The following SHANK2 variants were observed in gnomAD, a reference collection of about 807,000 sequenced individuals.
SHANK2 encodes the protein SH3 and multiple ankyrin repeat domains 2, also known as SH3 and multiple ankyrin repeat domains protein 2.
SHANK2 carries 43 observed loss-of-function variants against 133.7 expected under a neutral mutation model. That is an observed-to-expected ratio of 0.32 (90% CI 0.25 to 0.41). The LOEUF (loss-of-function observed/expected upper bound fraction) is 0.41. Ranked by LOEUF, SHANK2 falls within the 10% of genes least tolerant of loss-of-function variation. SHANK2 has a pLI of 1.00. For synonymous variants in SHANK2, 1,017 were observed against 952.8 expected (o/e 1.07, Z -1.24); for missense variants, 1,994 against 2,235.8 (o/e 0.89, Z 2.18).
intron 17 of SHANK2, among the ~76,000 whole-genome samples, chr11:70,536,214 T>C (rs1214079100): frequency 6.6e-6 from 1 of 152,144 alleles, no homozygotes; most frequent in African/African-American, 2.4e-5. Context: ...GCCTGCCCTG[T>C]GTGGTCTGAG....
chr11:70,843,869 A>G (rs1948954097), intron 11 of SHANK2, among the ~76,000 whole-genome samples: 1 of 152,136 alleles, frequency 6.6e-6, no homozygotes, highest in Admixed American at 6.5e-5. Context: ...AGGAGTTCAC[A>G]AATATCTCCT....
intron 17 of SHANK2, among the ~76,000 whole-genome samples, chr11:70,618,782 C>A (rs1554996826): frequency 6.6e-6 from 1 of 152,206 alleles, no homozygotes; most frequent in Non-Finnish European, 1.5e-5. Context: ...TAAAAATAAA[C>A]CTGAGCTTGG....
At chr11:70,837,029 G>A (rs1276753548) in intron 11 of SHANK2, among the ~76,000 whole-genome samples, 1 of 152,194 alleles carries the variant, frequency 6.6e-6, no homozygotes, top group Non-Finnish European at 1.5e-5. Flanking sequence ...GCTGCCGTCT[G>A]CAAGCCAGGA....
At chr11:71,084,376 G>A (rs1951349286) in intron 8 of SHANK2, among the ~76,000 whole-genome samples, 3 of 152,132 alleles carry the variant, frequency 2.0e-5, no homozygotes. Flanking sequence ...TGAAGTGGAG[G>A]GTGGATCTGA....
intron 10 of SHANK2, among the ~76,000 whole-genome samples, chr11:70,937,261 T>C (rs1027084210): frequency 1.3e-5 from 2 of 152,182 alleles, no homozygotes; most frequent in Admixed American, 1.3e-4. Context: ...AAAACATCCC[T>C]TGGGGAGAAC....
At chr11:70,949,828 A>G (rs1304049023) in intron 10 of SHANK2, among the ~76,000 whole-genome samples, 1 of 152,196 alleles carries the variant, frequency 6.6e-6, no homozygotes, top group East Asian at 1.9e-4. Context: ...CACAGTCATG[A>G]GGCACTGTCT....
intron 6 of SHANK2, among the ~76,000 whole-genome samples, chr11:71,108,499 T>C (rs994173742): frequency 1.3e-5 from 2 of 151,846 alleles, no homozygotes; most frequent in African/African-American, 4.8e-5. Flanking sequence ...AATCACTCCC[T>C]TTCCCCTCTC....
intron 17 of SHANK2, among the ~76,000 whole-genome samples, chr11:70,637,921 G>A (rs1190813616): frequency 6.6e-5 from 10 of 152,132 alleles, no homozygotes; most frequent in African/African-American, 2.2e-4. Context: ...ACGCCAAGCC[G>A]GCTTCCGCTC....
In SHANK2 at chr11:70,712,594, C is replaced by T. The variant is rs1945812908; in HGVS notation, c.1778-13831G>A. 2.6e-5 allele frequency among the ~76,000 whole-genome samples: 4 copies of T among 152,248 alleles called. No individual in the cohort carries two copies. The South Asian group carries it at 8.3e-4, about 31-fold the overall frequency. On this transcript the variant is annotated intron_variant, in intron 14 of 25. Transcript: ENST00000601538. Reference sequence around the variant, plus strand: ...GCACTTCCCTGTTCCCAGATACAAACAACACTCAGTTCCAATTCGGATTCT... The same window carrying T: ...GCACTTCCCTGTTCCCAGATACAAATAACACTCAGTTCCAATTCGGATTCT...
chr11:70,621,646 G>A (rs1347619875), intron 17 of SHANK2, among the ~76,000 whole-genome samples: 3 of 152,200 alleles, frequency 2.0e-5, no homozygotes, highest in Non-Finnish European at 2.9e-5. Flanking sequence ...TCAGATGGGA[G>A]GTCTGATACG....
intron 11 of SHANK2, among the ~76,000 whole-genome samples, chr11:70,841,576 C>A (rs1024322491): frequency 1.3e-5 from 2 of 152,212 alleles, no homozygotes; most frequent in Admixed American, 1.3e-4. Context: ...GTGCCACATT[C>A]CAGGAGGGTC....
At chr11:70,674,864 T>C (rs545068507) in intron 15 of SHANK2, among the ~76,000 whole-genome samples, 75 of 152,404 alleles carry the variant, frequency 4.9e-4, no homozygotes, top group Non-Finnish European at 9.6e-4. Flanking sequence ...GGGCCAGATT[T>C]GGCCTGTGGG....
chr11:70,492,792 T>G (rs1253353112), intron 21 of SHANK2, among the ~76,000 whole-genome samples: 4 of 138,286 alleles, frequency 2.9e-5, no homozygotes, highest in South Asian at 2.5e-4. Context: ...TCTGTGTTTT[T>G]TTTTTTTTTT....
At chr11:70,726,593 T>C (rs186490174) in intron 14 of SHANK2, among the ~76,000 whole-genome samples, 2 of 152,208 alleles carry the variant, frequency 1.3e-5, no homozygotes, top group East Asian at 3.9e-4. Flanking sequence ...TCAAAGATTT[T>C]CAGAGAGGGA....
intron 14 of SHANK2, among the ~76,000 whole-genome samples, chr11:70,723,149 A>T (rs1185983496): frequency 4.6e-5 from 7 of 152,108 alleles, no homozygotes; most frequent in African/African-American, 1.7e-4. Flanking sequence ...CCCTGATGTG[A>T]TTCTCTCCCA....
intron 17 of SHANK2, among the ~76,000 whole-genome samples, chr11:70,545,242 G>A (rs1339850246): frequency 2.0e-5 from 3 of 152,242 alleles, no homozygotes; most frequent in South Asian, 2.1e-4. Context: ...CGGAGGCAGC[G>A]TCGCATTGCT....
intron 11 of SHANK2, among the ~76,000 whole-genome samples, chr11:70,870,297 G>C (rs1949439169): frequency 6.6e-6 from 1 of 152,132 alleles, no homozygotes; most frequent in African/African-American, 2.4e-5. Context: ...CAAAATGAGA[G>C]CCCAACCAGT....
intron 1 of SHANK2, among the ~76,000 whole-genome samples, chr11:71,227,023 A>G (rs1954654281): frequency 6.6e-6 from 1 of 152,148 alleles, no homozygotes; most frequent in South Asian, 2.1e-4. Flanking sequence ...AACTGGTATT[A>G]CAATAGATGA....
At chr11:71,143,500 T>C (rs1952592986) in intron 3 of SHANK2, among the ~76,000 whole-genome samples, 1 of 152,220 alleles carries the variant, frequency 6.6e-6, no homozygotes, top group Non-Finnish European at 1.5e-5. Context: ...TCAGCTCTCA[T>C]CTTGTAAACA....
Sources: allele counts gnomAD v4.1 joint callset (sites outside exome capture counted in the v4.1 genomes callset), GRCh38; gene constraint gnomAD v4.1.1; transcripts MANE v1.5; gene names NCBI Gene and HGNC (gene_info 2026-07-23, HGNC 2026-07-21).